The following L1TD1 variants were observed in gnomAD, a reference collection of about 807,000 sequenced individuals.
L1TD1 encodes the protein LINE-1 type transposase domain-containing protein 1.
Under a neutral mutation model 25.7 loss-of-function variants are expected in L1TD1, and 26 were observed. The ratio of observed to expected loss-of-function variants is 1.01; its 90% CI spans 0.74 to 1.40. The LOEUF is 1.40. Among genes scored for constraint, L1TD1 ranks in the 40% most tolerant of loss-of-function variants. The probability of loss-of-function intolerance (pLI) is 0.00; values close to 1 mark genes in which losing one functional copy is unlikely to be tolerated. For missense variants in L1TD1, 1,130 were observed against 975.0 expected (o/e 1.16, Z -2.12); for synonymous variants, 421 against 335.6 (o/e 1.25, Z -2.78).
chr1:62,203,047 C>T (rs1670672687), intron 2 of L1TD1, among the ~76,000 whole-genome samples: 1 of 151,966 alleles, frequency 6.6e-6, no homozygotes, highest in East Asian at 1.9e-4. Context: ...GTCTCAAACT[C>T]CTGGGCTCAA....
intron 3 of L1TD1, 136 bp from the exon 4 acceptor site, chr1:62,209,647 T>C: frequency 1.3e-6 from 1 of 780,324 alleles, no homozygotes; most frequent in Admixed American, 3.5e-5. Context: ...GAACAATTAA[T>C]ATTTAAGCAC....
intron 2 of L1TD1, among the ~76,000 whole-genome samples, chr1:62,204,555 AT>A (rs1670699031): frequency 6.6e-6 from 1 of 152,072 alleles, no homozygotes; most frequent in African/African-American, 2.4e-5. Flanking sequence ...TTCAATTTTT[AT>A]TGCAATGAAA....
chr1:62,204,722 T>C lies in L1TD1; in HGVS notation c.-110-1797T>C, dbSNP rs151145086. ...CTGCTTGAAATTCTTGGTTGGGTGC[T>C]GAGCATATATCTTTTGCCCTGACAA... On this transcript the variant is annotated intron_variant, in intron 2 of 3. Coordinates refer to ENST00000498273, the MANE Select transcript of L1TD1 (RefSeq NM_019079.5). 7.6e-4 allele frequency among the ~76,000 whole-genome samples: 116 copies of C among 152,214 alleles called. 4 individuals carry two copies. In the East Asian group the frequency reaches 0.019, roughly 25 times the overall value.
chr1:62,200,734 T>C (rs1467477429), intron 2 of L1TD1, among the ~76,000 whole-genome samples: 1 of 152,082 alleles, frequency 6.6e-6, no homozygotes, highest in East Asian at 1.9e-4. Context: ...TTTCTGACTT[T>C]AATAATAGGC....
chr1:62,198,852 T>G (rs543965473), intron 2 of L1TD1, among the ~76,000 whole-genome samples: 7 of 152,222 alleles, frequency 4.6e-5, no homozygotes, highest in African/African-American at 1.7e-4. Flanking sequence ...TCACTTTTTT[T>G]TTTTTGGCAG....
intron 1 of L1TD1, among the ~76,000 whole-genome samples, chr1:62,195,206 G>C (rs1351946632): frequency 1.3e-5 from 2 of 152,116 alleles, no homozygotes; most frequent in Admixed American, 6.5e-5. Flanking sequence ...CCCCGGGTAA[G>C]GCTGGCCCAG....
At chr1:62,201,858 T>C (rs1435767678) in intron 2 of L1TD1, among the ~76,000 whole-genome samples, 2 of 152,198 alleles carry the variant, frequency 1.3e-5, no homozygotes, top group Non-Finnish European at 2.9e-5. Flanking sequence ...TGAATTCCCT[T>C]AGTCTCCTGA....
In L1TD1 at chr1:62,210,103, C is replaced by G. The variant is rs373499320; in HGVS notation, c.1329C>G (p.Asp443Glu). 1 of 1,613,834 alleles carries G rather than the reference C, an allele frequency of 6.2e-7. No individual in the cohort carries two copies. The highest frequency in any genetic ancestry group is 8.5e-7 in the Non-Finnish European group (1 of 1,180,014). The change falls in exon 4 of 4, where the codon GAC becomes GAG. Residue 443 changes from aspartate (D) to glutamate (E), a missense_variant. Transcript: ENST00000498273. Reference sequence around the variant, plus strand: ...AAGAGGAACAGACTTCAGAACAGGACTCAACCTTTCAGGGTCATACTTTGG... The same window carrying G: ...AAGAGGAACAGACTTCAGAACAGGAGTCAACCTTTCAGGGTCATACTTTGG... ...EEEEEQTSEQ[D>E]STFQGHTLVD...
Position 62,206,948 on chromosome 1 carries a change from A to G in L1TD1, c.320A>G (p.Asn107Ser), listed in dbSNP as rs750036134. 9 of 1,613,762 alleles carry G rather than the reference A, an allele frequency of 5.6e-6. No homozygotes were observed. Among genetic ancestry groups the G allele is most frequent in the East Asian group, 2.2e-5 (1 of 44,856 alleles). Residue 107 changes from asparagine to serine, a missense_variant, in exon 3 of 4, where the codon AAT becomes AGT. Physicochemically the swap from Asn to Ser is conservative, Grantham distance 46. Transcript: ENST00000498273. The part of the protein sequence containing the change: ...SSRTEFQQII[N>S]LALQKTGMVG... The stretch of plus-strand genomic sequence containing the variant: ...AGGACAGAGTTTCAGCAAATAATCA[A>G]TTTAGCATTACAAAAAACAGGGATG...
chr1:62,204,412 T>TAA (rs1297563033), intron 2 of L1TD1, among the ~76,000 whole-genome samples: 2 of 152,232 alleles, frequency 1.3e-5, no homozygotes, highest in African/African-American at 2.4e-5. Context: ...TTTAGTATTT[T>TAA]AAGTTTCTCC....
chr1:62,200,939 T>G (rs966440419), intron 2 of L1TD1, among the ~76,000 whole-genome samples: 3 of 151,788 alleles, frequency 2.0e-5, no homozygotes, highest in African/African-American at 7.3e-5. Flanking sequence ...TATTTTTACT[T>G]TTTTTTTGAG....
At chr1:62,206,198 A>C (rs932511819) in intron 2 of L1TD1, among the ~76,000 whole-genome samples, 1 of 152,220 alleles carries the variant, frequency 6.6e-6, no homozygotes, top group African/African-American at 2.4e-5. Context: ...GGTTTCTTAA[A>C]GAATAACATC....
chr1:62,201,980 G>T (rs1468163218), intron 2 of L1TD1, among the ~76,000 whole-genome samples: 16 of 152,120 alleles, frequency 1.1e-4, no homozygotes, highest in Non-Finnish European at 8.8e-5. Context: ...GACACTACTG[G>T]TGCTGGGTTT....
chr1:62,205,617 G>C (rs757770861), intron 2 of L1TD1, among the ~76,000 whole-genome samples: 10 of 150,964 alleles, frequency 6.6e-5, no homozygotes, highest in Non-Finnish European at 1.0e-4. Flanking sequence ...TTTTTGTAGA[G>C]ACGGGGTTTT....
rs1261055805 is a variant in L1TD1 at position 62,205,443 on chromosome 1, AT to A, written c.-110-1067del. Among the ~76,000 whole-genome samples the A allele has an allele frequency of 3.3e-3, 213 of 63,636 alleles. 5 individuals are homozygous for A. The highest frequency in any genetic ancestry group is 9.6e-3 in the African/African-American group (170 of 17,748). The allele number at this position is 63,636 out of a possible 152,430, so 41.7% of individuals were successfully genotyped here. A position where few individuals can be genotyped will look rare whatever the true frequency, so the allele number is the denominator to read the frequency against. On this transcript the variant is annotated intron_variant, in intron 2 of 3. Transcript: ENST00000498273. ...TATATATATATATATATATATATATATTTTTTTTTAGACAGTCTTGCTGTGT... is the reference window on the plus strand; with the variant it reads ...TATATATATATATATATATATATATATTTTTTTTAGACAGTCTTGCTGTGT...
At chr1:62,205,265 G>T (rs543356597) in intron 2 of L1TD1, among the ~76,000 whole-genome samples, 184 of 151,356 alleles carry the variant, frequency 1.2e-3, no homozygotes, top group Middle Eastern at 3.5e-3. Context: ...TTAAAGCTGG[G>T]AGGCGGAGGT....
chr1:62,199,421 C>T (rs780192977), intron 2 of L1TD1, among the ~76,000 whole-genome samples: 1 of 151,578 alleles, frequency 6.6e-6, no homozygotes, highest in Non-Finnish European at 1.5e-5. Flanking sequence ...TCGCTTGAAC[C>T]CAGGAGGCAG....
rs1296408623 is a variant in L1TD1 at position 62,206,806 on chromosome 1, G to T, written c.178G>T (p.Glu60Ter). ...AIMNKFKVLM[E>*]IQDLMFEEMR... ...TATGAATAAGTTTAAGGTCTTAATG[G>T]AAATTCAAGACCTGATGTTTGAGGA... The change falls in exon 3 of 4, where the codon GAA becomes TAA. Residue 60 changes from glutamate (E) to a stop codon, truncating the protein, a stop_gained. Transcript: ENST00000498273. LOFTEE classifies it high-confidence loss of function. 3 of 1,593,914 alleles carry T rather than the reference G, an allele frequency of 1.9e-6. No individual in the cohort carries two copies. Among genetic ancestry groups the T allele is most frequent in the Non-Finnish European group, 2.6e-6 (3 of 1,168,508 alleles).
At position 62,211,161 on chromosome 1, in the gene L1TD1, T is replaced by TA; in HGVS notation, c.2388dup (p.Ser797IlefsTer8). The TA allele has an allele frequency of 3.2e-6, 5 of 1,550,790 alleles. No individual in the cohort carries two copies. The highest frequency in any genetic ancestry group is 4.4e-6 in the Non-Finnish European group (5 of 1,146,774). On this transcript the variant is annotated frameshift_variant, in exon 4 of 4. Coordinates refer to ENST00000498273, the MANE Select transcript of L1TD1 (RefSeq NM_019079.5). LOFTEE classifies it low-confidence loss of function (END_TRUNC). ...ACAAGAATCAGGTTGACAGCAGACTTATCACTGGACACACTGGATGCTAGA... is the reference window on the plus strand; with the variant it reads ...ACAAGAATCAGGTTGACAGCAGACTTAATCACTGGACACACTGGATGCTAGA...
Sources: gnomAD v4.1 joint callset for allele counts (sites outside exome capture counted in the v4.1 genomes callset) on GRCh38, gnomAD v4.1.1 for gene constraint, MANE v1.5 for transcripts, NCBI Gene and HGNC (gene_info 2026-07-23, HGNC 2026-07-21) for gene names.